Variants in SLC20A2 observed in about 807,000 individuals in gnomAD.
The protein encoded by SLC20A2 is solute carrier family 20 member 2, also known as sodium-dependent phosphate transporter 2.
SLC20A2 carries 30 observed loss-of-function variants against 61.0 expected under a neutral mutation model. That is an observed-to-expected ratio of 0.49 (90% confidence interval 0.37 to 0.67). The LOEUF (loss-of-function observed/expected upper bound fraction) is 0.67, where lower values mean the gene tolerates loss of function less well. Among genes scored for constraint, SLC20A2 ranks in the 30% least tolerant of loss-of-function variants. The probability of loss-of-function intolerance (pLI) is 0.00; values close to 1 mark genes in which losing one functional copy is unlikely to be tolerated. For synonymous variants in SLC20A2, 351 were observed against 353.3 expected (o/e 0.99, Z 0.07); for missense variants, 626 against 866.4 (o/e 0.72, Z 3.48).
At chr8:42,462,737 C>A (rs1231638253) in intron 4 of SLC20A2, among the ~76,000 whole-genome samples, 5 of 152,052 alleles carry the variant, frequency 3.3e-5, no homozygotes, top group Non-Finnish European at 5.9e-5. Flanking sequence ...TTTGAGGTCT[C>A]AGCACAACTC....
intron 1 of SLC20A2, chr8:42,534,876 A>G (rs1488686440): frequency 1.3e-5 from 2 of 152,198 alleles, no homozygotes; most frequent in Non-Finnish European, 2.9e-5. Flanking sequence ...GTTACCTCCT[A>G]TTTCTCTGTC....
chr8:42,485,900 T>G (rs558304203), intron 1 of SLC20A2, among the ~76,000 whole-genome samples: 1 of 150,618 alleles, frequency 6.6e-6, no homozygotes, highest in African/African-American at 2.4e-5. Flanking sequence ...GAGCCGAGAT[T>G]GCGCTGCTGC....
At chr8:42,491,942 A>C (rs1461831345) in intron 1 of SLC20A2, among the ~76,000 whole-genome samples, 1 of 152,184 alleles carries the variant, frequency 6.6e-6, no homozygotes, top group Non-Finnish European at 1.5e-5. Flanking sequence ...CAGCCAGGAC[A>C]TGCTGATGTC....
chr8:42,458,080 G>A (rs995110747), intron 5 of SLC20A2, among the ~76,000 whole-genome samples: 4 of 152,006 alleles, frequency 2.6e-5, no homozygotes, highest in Admixed American at 6.6e-5. Context: ...TGTCAACATG[G>A]CCAATAACCA....
In SLC20A2 at chr8:42,419,901, T is replaced by C. The variant is rs76165516; in HGVS notation, c.1795-1934A>G. On this transcript the variant is annotated intron_variant, in intron 10 of 10. Transcript: ENST00000520262. Reference sequence around the variant, plus strand: ...TCTCTCTAGCTTTCACATATACAAATTGTCGGCCAGGTGCAGTGGCTCATG... The same window carrying C: ...TCTCTCTAGCTTTCACATATACAAACTGTCGGCCAGGTGCAGTGGCTCATG... Among the ~76,000 whole-genome samples, 55 of 152,304 alleles carry C rather than the reference T, an allele frequency of 3.6e-4. No homozygotes were observed. In the East Asian group the frequency reaches 0.01, roughly 28 times the overall value.
At chr8:42,459,798 C>T (rs1020241293) in intron 5 of SLC20A2, 98 bp downstream of exon 5, 16 of 779,410 alleles carry the variant, frequency 2.1e-5, no homozygotes, top group Non-Finnish European at 3.4e-5. Context: ...ATGAGTAATG[C>T]TTTTTACTGT....
In SLC20A2 at chr8:42,435,414, G is replaced by A. The variant is rs371179773; in HGVS notation, c.1523+1575C>T. On this transcript the variant is annotated intron_variant, in intron 8 of 10. Transcript: ENST00000520262. ...AACGGACAGAAACCGAGCGAGTGGG[G>A]AGCACCATCCTGAGCATATTACACA... is the stretch of plus-strand genomic sequence containing the variant. Among the ~76,000 whole-genome samples the A allele has an allele frequency of 1.7e-4, 26 of 152,280 alleles. No homozygotes were observed. In the East Asian group the frequency reaches 4.0e-3, roughly 24 times the overall value.
intron 4 of SLC20A2, among the ~76,000 whole-genome samples, chr8:42,461,424 A>C (rs536408549): frequency 6.6e-6 from 1 of 151,954 alleles, no homozygotes; most frequent in Non-Finnish European, 1.5e-5. Context: ...CTGTGTTTTC[A>C]ATTAAATTAC....
At chr8:42,516,995 CA>C (rs1486701446) in intron 1 of SLC20A2, among the ~76,000 whole-genome samples, 1 of 152,172 alleles carries the variant, frequency 6.6e-6, no homozygotes, top group African/African-American at 2.4e-5. Context: ...GACCGTCCAC[CA>C]CCCCCCAAGC....
At position 42,472,623 on chromosome 8, in the gene SLC20A2, CTCCCGA is replaced by C. The variant is rs1017276810; in HGVS notation, c.-239_-234del. The C allele has an allele frequency of 1.1e-5, 5 of 474,578 alleles. No homozygotes were observed. Among genetic ancestry groups the C allele is most frequent in the African/African-American group, 9.7e-5 (5 of 51,528 alleles). 29.4% of individuals were successfully genotyped at this position (474,578 alleles called of 1,614,324 possible). A position where few individuals can be genotyped will look rare whatever the true frequency, so the allele number is the denominator to read the frequency against. On this transcript the variant is annotated 5_prime_UTR_variant, in exon 2 of 11. Coordinates refer to ENST00000520262, the MANE Select transcript of SLC20A2 (RefSeq NM_001257180.2). This position sits in a 1 kb window ranked among gnomAD's most constrained non-coding sequence, Gnocchi z 4.1. ...CGGTAAAACACATTCCATATTTTTC[CTCCCGA>C]TCTGGGAAAGCTGTGATGTCTCCTC...
chr8:42,518,926 T>C (rs1031323518), intron 1 of SLC20A2, among the ~76,000 whole-genome samples: 4 of 152,248 alleles, frequency 2.6e-5, no homozygotes, highest in Admixed American at 2.6e-4. Context: ...AGTTTAAATG[T>C]GTCCACCATT....
rs1807057631 is a variant in SLC20A2, at chr8:42,465,186, TAG to T, written c.430+589_430+590del. On this transcript the variant is annotated intron_variant, in intron 3 of 10. Coordinates refer to ENST00000520262, the MANE Select transcript of SLC20A2 (RefSeq NM_001257180.2). ...GATTCTCCTGCCTCAGCCTCCCTAG[TAG>T]CTGGGATTACAGGTACCTGCCATCA... Among the ~76,000 whole-genome samples the T allele has an allele frequency of 2.0e-5, 3 of 151,596 alleles. No individual in the cohort carries two copies. In the South Asian group the frequency reaches 6.3e-4, roughly 32 times the overall value.
intron 9 of SLC20A2, among the ~76,000 whole-genome samples, chr8:42,429,571 G>A (rs772200907): frequency 3.3e-5 from 5 of 152,336 alleles, no homozygotes; most frequent in East Asian, 1.9e-4. Context: ...AAGGCTATGC[G>A]GTTGAGAGAC....
intron 1 of SLC20A2, among the ~76,000 whole-genome samples, chr8:42,488,193 T>TC (rs1219331667): frequency 2.0e-5 from 3 of 147,280 alleles, no homozygotes; most frequent in Non-Finnish European, 4.5e-5. Flanking sequence ...TTTTTTTTTT[T>TC]TTTTTTTTTT....
rs1585966279 is a variant in SLC20A2, at chr8:42,417,737, A to G, written c.*66T>C. 1.7e-5 allele frequency: 26 copies of G among 1,551,608 alleles called. No homozygotes were observed. Among genetic ancestry groups the G allele is most frequent in the Non-Finnish European group, 7.1e-6 (8 of 1,127,318 alleles). On this transcript the variant is annotated 3_prime_UTR_variant, in exon 11 of 11. Transcript: ENST00000520262. The stretch of plus-strand genomic sequence containing the variant: ...CAGGATGTGTATGTGCGGCACGAGC[A>G]CACATGTCTCCCACACGCCAACACC...
At chr8:42,445,239 C>T (rs1399005048) in intron 5 of SLC20A2, among the ~76,000 whole-genome samples, 1 of 152,030 alleles carries the variant, frequency 6.6e-6, no homozygotes. Flanking sequence ...TTGCAGTGAG[C>T]CGAGATTGCA....
intron 5 of SLC20A2, among the ~76,000 whole-genome samples, chr8:42,448,965 G>A (rs1357403667): frequency 3.3e-5 from 5 of 152,142 alleles, no homozygotes; most frequent in African/African-American, 1.2e-4. Flanking sequence ...ATCCAGTTTC[G>A]TGGATAAAAA....
intron 1 of SLC20A2, among the ~76,000 whole-genome samples, chr8:42,538,860 T>C (rs1417563917): frequency 6.6e-6 from 1 of 152,186 alleles, no homozygotes; most frequent in Non-Finnish European, 1.5e-5. Context: ...TACTGTAATA[T>C]ACTGCATTCT....
At chr8:42,528,750 T>A (rs567748908) in intron 1 of SLC20A2, among the ~76,000 whole-genome samples, 1 of 152,116 alleles carries the variant, frequency 6.6e-6, no homozygotes, top group South Asian at 2.1e-4. Context: ...TACCATAACC[T>A]CTGCCTCCTG....
Sources: gnomAD v4.1 joint callset for allele counts (sites outside exome capture counted in the v4.1 genomes callset) on GRCh38, gnomAD v4.1.1 for gene constraint, Gnocchi (gnomAD v3.1) non-coding constraint, MANE v1.5 for transcripts, NCBI Gene and HGNC (gene_info 2026-07-23, HGNC 2026-07-21) for gene names.